MUC5AC: variants seen among roughly 807,000 people sequenced by gnomAD.
MUC5AC encodes the protein mucin-5AC.
Under a neutral mutation model 169.7 loss-of-function variants are expected in MUC5AC, and 158 were observed. The ratio of observed to expected loss-of-function variants is 0.93; its 90% CI spans 0.82 to 1.06. The LOEUF is 1.06. Ranked by LOEUF, MUC5AC falls within the 50% of genes least tolerant of loss-of-function variation. MUC5AC has a pLI of 0.00. For missense variants in MUC5AC, 4,359 were observed against 3,089.9 expected (o/e 1.41, Z -9.74); for synonymous variants, 1,975 against 1,237.0 (o/e 1.60, Z -12.52).
In MUC5AC at chr11:1,177,271, G is replaced by A. The variant is rs1289360124; in HGVS notation, c.2834G>A (p.Arg945His). The part of the protein sequence containing the change: ...GGKDSTQDSF[R>H]VVTENVPCGT... The stretch of plus-strand genomic sequence containing the variant: ...AAAGACAGCACCCAGGACTCCTTTC[G>A]TGTTGTCACCGAGAACGTCCCCTGC... Residue 945 changes from arginine (R) to histidine (H), a missense_variant, in exon 23 of 49, where the codon CGT becomes CAT. Coordinates refer to ENST00000621226, the MANE Select transcript of MUC5AC (RefSeq NM_001304359.2). 39 of 441,678 alleles carry A rather than the reference G, an allele frequency of 8.8e-5. No individual in the cohort carries two copies. The highest frequency in any genetic ancestry group is 1.4e-4 in the Non-Finnish European group (34 of 249,088). 27.4% of individuals were successfully genotyped at this position (441,678 alleles called of 1,614,324 possible). A position where few individuals can be genotyped will look rare whatever the true frequency, so the allele number is the denominator to read the frequency against.
In MUC5AC at chr11:1,190,967, CTCTGCTCCTACAACCAGAACAACA is replaced by C. The variant is rs1213343353; in HGVS notation, c.12836_12859del (p.Thr4279_Thr4286del). On this transcript the variant is annotated inframe_deletion, in exon 31 of 49. Coordinates refer to ENST00000621226, the MANE Select transcript of MUC5AC (RefSeq NM_001304359.2). ...CCTCTGCTGCTACAACCAGCACAAC[CTCTGCTCCTACAACCAGAACAACA>C]TCTGCTCCTACAAGCAGCATGACCT... The C allele has an allele frequency of 3.8e-5, 28 of 742,126 alleles. No individual in the cohort carries two copies. Among genetic ancestry groups the C allele is most frequent in the Non-Finnish European group, 6.4e-5 (26 of 407,630 alleles). 46.0% of individuals were successfully genotyped at this position (742,126 alleles called of 1,614,324 possible).
chr11:1,171,763 C>G (rs1860550779), intron 15 of MUC5AC, among the ~76,000 whole-genome samples: 2 of 133,530 alleles, frequency 1.5e-5, no homozygotes, highest in African/African-American at 5.7e-5. Flanking sequence ...CCACTCAACA[C>G]TCACTCACCC....
Position 1,177,567 on chromosome 11 carries a change from C to G in MUC5AC, c.3021C>G (p.Asp1007Glu), listed in dbSNP as rs1446962574. ...QMGIYLVVDT[D>E]IGLVLLWDKK... ...GCATCTACCTGGTGGTGGACACCGA[C>G]ATTGGCCTGGTGCTGCTGTGGGACA... Residue 1007 changes from aspartate to glutamate, a missense_variant, in exon 24 of 49, where the codon GAC becomes GAG. Physicochemically the swap from Asp to Glu is conservative, Grantham distance 45 (BLOSUM62 2). Transcript: ENST00000621226. The G allele has an allele frequency of 5.0e-6, 2 of 398,694 alleles. No individual in the cohort carries two copies. Among genetic ancestry groups the G allele is most frequent in the Admixed American group, 8.8e-5 (2 of 22,718 alleles). 24.7% of individuals were successfully genotyped at this position (398,694 alleles called of 1,614,324 possible).
Position 1,174,550 on chromosome 11 carries a change from G to A in MUC5AC, c.2020G>A (p.Ala674Thr), listed in dbSNP as rs952407917. ...GCGGAGCGAGGACTGCCTGTGCGCC[G>A]CGCTGTCCTCCTACGTGCACGCCTG... ...CERSEDCLCAALSSYVHACAA... is the reference protein window; with the variant it reads ...CERSEDCLCATLSSYVHACAA... The change falls in exon 17 of 49, where the codon GCG (alanine) becomes ACG (threonine). Residue 674 changes from alanine (A) to threonine (T), a missense_variant. Transcript: ENST00000621226. 125 of 1,562,448 alleles carry A rather than the reference G, an allele frequency of 8.0e-5. No homozygotes were observed. Among genetic ancestry groups the A allele is most frequent in the Middle Eastern group, 5.0e-4 (3 of 6,028 alleles).
chr11:1,168,821 G>T, intron 14 of MUC5AC, 41 bp from the exon 15 acceptor site: 1 of 1,579,828 alleles, frequency 6.3e-7, no homozygotes, highest in African/African-American at 1.3e-5. Context: ...ACCCACTCTG[G>T]CCAGGGCGCA....
rs1203493664 is a variant in MUC5AC at position 1,188,903 on chromosome 11, G to A, written c.10758G>A (p.Val3586=). The A allele has an allele frequency of 1.3e-6, 1 of 762,330 alleles. No individual in the cohort carries two copies. The highest frequency in any genetic ancestry group is 1.7e-5 in the Admixed American group (1 of 58,764). The allele number at this position is 762,330 out of a possible 1,614,324, so 47.2% of individuals were successfully genotyped here. ...GCATCGAACACCTGGGCCAGGTGGT[G>A]CAGTGCAGCCGCGAAGAGGGCCTGG... ...EVSIEHLGQV[V]QCSREEGLVC... Residue 3586 remains valine, a synonymous_variant, in exon 31 of 49, where the codon GTG becomes GTA. Coordinates refer to ENST00000621226, the MANE Select transcript of MUC5AC (RefSeq NM_001304359.2).
intron 16 of MUC5AC, among the ~76,000 whole-genome samples, chr11:1,172,868 A>G (rs2133738631): frequency 6.7e-6 from 1 of 149,516 alleles, no homozygotes; most frequent in East Asian, 2.0e-4. Flanking sequence ...TCACCCACTC[A>G]CTCACCCATT....
At position 1,181,165 on chromosome 11, in the gene MUC5AC, G is replaced by A. The variant is rs1357673105; in HGVS notation, c.3803G>A (p.Cys1268Tyr). The A allele has an allele frequency of 1.0e-5, 4 of 398,476 alleles. No homozygotes were observed. Among genetic ancestry groups the A allele is most frequent in the Non-Finnish European group, 1.3e-5 (3 of 226,076 alleles). 24.7% of individuals were successfully genotyped at this position (398,476 alleles called of 1,614,324 possible). A position where few individuals can be genotyped will look rare whatever the true frequency, so the allele number is the denominator to read the frequency against. Residue 1268 changes from cysteine (C) to tyrosine (Y), a missense_variant, in exon 29 of 49, where the codon TGC becomes TAC. Coordinates refer to ENST00000621226, the MANE Select transcript of MUC5AC (RefSeq NM_001304359.2). ...SCLCTERGVE[C>Y]TYKAEACVCT... ...CTTTGTACGGAGCGCGGCGTGGAGT[G>A]CACCTACAAAGCTGAGGGTGAGCGG...
At position 1,182,208 on chromosome 11, in the gene MUC5AC, C is replaced by T. The variant is rs980326570; in HGVS notation, c.4063C>T (p.Pro1355Ser). The T allele has an allele frequency of 1.3e-5, 5 of 398,706 alleles. No individual in the cohort carries two copies. Among genetic ancestry groups the T allele is most frequent in the Non-Finnish European group, 2.2e-5 (5 of 226,146 alleles). 24.7% of individuals were successfully genotyped at this position (398,706 alleles called of 1,614,324 possible). A position where few individuals can be genotyped will look rare whatever the true frequency, so the allele number is the denominator to read the frequency against. Residue 1355 changes from proline to serine, a missense_variant, in exon 31 of 49, where the codon CCT becomes TCT. By Grantham distance (74) the Pro-to-Ser change is moderately conservative. Coordinates refer to ENST00000621226, the MANE Select transcript of MUC5AC (RefSeq NM_001304359.2). ...TGGCCCAAGCAGCGCGCACACAGGC[C>T]CTCCGAGCAGCGCCTGGCCCACCAC... ...SNGPSSAHTG[P>S]PSSAWPTTAG...
chr11:1,169,417 TTCGCCCAC>T, intron 15 of MUC5AC, among the ~76,000 whole-genome samples: 1 of 90,878 alleles, frequency 1.1e-5, no homozygotes, highest in African/African-American at 7.2e-5. Context: ...CACTCACCCA[TTCGCCCAC>T]TCACCTCACT....
At position 1,182,514 on chromosome 11, in the gene MUC5AC, C is replaced by G; in HGVS notation, c.4369C>G (p.Arg1457Gly). 2 of 398,656 alleles carry G rather than the reference C, an allele frequency of 5.0e-6. No homozygotes were observed. Among genetic ancestry groups the G allele is most frequent in the Non-Finnish European group, 8.8e-6 (2 of 226,112 alleles). The allele number at this position is 398,656 out of a possible 1,614,324, so 24.7% of individuals were successfully genotyped here. A position where few individuals can be genotyped will look rare whatever the true frequency, so the allele number is the denominator to read the frequency against. Residue 1457 changes from arginine (R) to glycine (G), a missense_variant, in exon 31 of 49, where the codon CGT (arginine) becomes GGT (glycine). By Grantham distance (125) the Arg-to-Gly change is moderately radical. Coordinates refer to ENST00000621226, the MANE Select transcript of MUC5AC (RefSeq NM_001304359.2). ...CAGCCCGGATGTGGGGCTGACCTGT[C>G]GTAACAGGGAGCAGGCATCGGGGCT... ...QCSPDVGLTCRNREQASGLCY... is the reference protein window; with the variant it reads ...QCSPDVGLTCGNREQASGLCY...
intron 12 of MUC5AC, among the ~76,000 whole-genome samples, 174 bp from the exon 13 acceptor site, chr11:1,168,309 A>C (rs936768109): frequency 2.0e-5 from 3 of 152,194 alleles, no homozygotes; most frequent in Non-Finnish European, 4.4e-5. Context: ...GAAGAATGAA[A>C]GGCATGGTCC....
intron 30 of MUC5AC, among the ~76,000 whole-genome samples, 186 bp from the exon 31 acceptor site, chr11:1,181,969 T>G (rs1860824814): frequency 1.3e-5 from 2 of 152,326 alleles, no homozygotes; most frequent in South Asian, 4.1e-4. Flanking sequence ...TCCCTAAAAC[T>G]CAGTCGGTTC....
intron 11 of MUC5AC, 73 bp from the exon 12 acceptor site, chr11:1,167,804 G>T: frequency 7.8e-7 from 1 of 1,282,984 alleles, no homozygotes; most frequent in Non-Finnish European, 1.1e-6. Context: ...AGCACAGCCG[G>T]GTGGACTGGC....
intron 38 of MUC5AC, 70 bp from the exon 39 acceptor site, chr11:1,196,547 C>T: frequency 1.3e-6 from 1 of 763,996 alleles, no homozygotes; most frequent in Non-Finnish European, 2.4e-6. Context: ...CGCTGCATCT[C>T]CCACTCCCAG....
rs1263742337 is a variant in MUC5AC, at chr11:1,189,797, A to T, written c.11652A>T (p.Thr3884=). The change falls in exon 31 of 49, where the codon ACA becomes ACT. Residue 3884 remains threonine (T), a synonymous_variant. Transcript: ENST00000621226. The part of the protein sequence containing the change: ...APTTSTTSFH[T]TSTTSPPTSS... ...CAACCAGCACAACCTCTTTCCATAC[A>T]ACCAGCACAACCTCTCCCCCTACAA... 4.2e-6 allele frequency: 3 copies of T among 718,726 alleles called. No homozygotes were observed. The highest frequency in any genetic ancestry group is 3.9e-5 in the Admixed American group (2 of 51,454). 44.5% of individuals were successfully genotyped at this position (718,726 alleles called of 1,614,324 possible).
chr11:1,185,860 C>A lies in MUC5AC; in HGVS notation c.7715C>A (p.Pro2572His). 1 of 748,946 alleles carries A rather than the reference C, an allele frequency of 1.3e-6. No homozygotes were observed. Among genetic ancestry groups the A allele is most frequent in the South Asian group, 1.4e-5 (1 of 72,078 alleles). The allele number at this position is 748,946 out of a possible 1,614,324, so 46.4% of individuals were successfully genotyped here. A position where few individuals can be genotyped will look rare whatever the true frequency, so the allele number is the denominator to read the frequency against. ...TSTTSGPGTTPSPVPTTSTTS... is the reference protein window; with the variant it reads ...TSTTSGPGTTHSPVPTTSTTS... Reference sequence around the variant, plus strand: ...ACAACCTCTGGTCCTGGAACTACTCCCAGCCCTGTTCCTACCACGAGCACA... The same window carrying A: ...ACAACCTCTGGTCCTGGAACTACTCACAGCCCTGTTCCTACCACGAGCACA... Residue 2572 changes from proline (P) to histidine (H), a missense_variant, in exon 31 of 49, where the codon CCC becomes CAC. Pro to His is a moderately conservative substitution (Grantham distance 77, BLOSUM62 -2). Coordinates refer to ENST00000621226, the MANE Select transcript of MUC5AC (RefSeq NM_001304359.2).
intron 4 of MUC5AC, 24 bp from the exon 5 acceptor site, chr11:1,162,508 C>T: frequency 5.0e-6 from 8 of 1,604,882 alleles, no homozygotes; most frequent in Non-Finnish European, 5.1e-6. Context: ...GCTCCCAGCC[C>T]CTCAGCCCTG....
In MUC5AC at chr11:1,179,275, G is replaced by A. The variant is rs992230185; in HGVS notation, c.3484+27G>A. 2.1e-3 allele frequency: 1,101 copies of A among 517,998 alleles called. 6 individuals carry two copies. Among genetic ancestry groups the A allele is most frequent in the Middle Eastern group, 4.5e-3 (9 of 2,016 alleles). The allele number at this position is 517,998 out of a possible 1,614,324, so 32.1% of individuals were successfully genotyped here. On this transcript the variant is annotated intron_variant, in intron 26 of 48. Coordinates refer to ENST00000621226, the MANE Select transcript of MUC5AC (RefSeq NM_001304359.2). The stretch of plus-strand genomic sequence containing the variant: ...TGAGTGCGAGTGGGCACCTGGGGAA[G>A]AACAGGAAGCGCCGGCAGCGTGTGC...
Sources: gnomAD v4.1 joint callset for allele counts (sites outside exome capture counted in the v4.1 genomes callset) on GRCh38, gnomAD v4.1.1 for gene constraint, MANE v1.5 for transcripts, NCBI Gene and HGNC (gene_info 2026-07-23, HGNC 2026-07-21) for gene names.